Variants in FGF14 observed in about 807,000 individuals in gnomAD.
FGF14 encodes fibroblast growth factor homologous factor 4.
FGF14 carries 5 observed loss-of-function variants against 25.5 expected under a neutral mutation model. That is an observed-to-expected ratio of 0.20 (90% CI 0.10 to 0.41). The LOEUF (loss-of-function observed/expected upper bound fraction) is 0.41. FGF14 is among the 10% of genes least tolerant of loss of function. The pLI is 1.00. For synonymous variants in FGF14, 138 were observed against 118.3 expected, an observed-to-expected ratio of 1.17 and a Z score of -1.08; for missense variants, 222 against 320.1, an observed-to-expected ratio of 0.69 and a Z score of 2.34.
At chr13:102,275,234 T>TTCTCTTTCTCTCTCTCTC (rs1249330049) in intron 1 of FGF14, among the ~76,000 whole-genome samples, 3 of 67,448 alleles carry the variant, frequency 4.4e-5, no homozygotes, top group African/African-American at 1.9e-4. Flanking sequence ...TTAGGCAGAT[T>TTCTCTTTCTCTCTCTCTC]TCTCTCTCTC....
intron 1 of FGF14, among the ~76,000 whole-genome samples, chr13:101,984,687 C>A: frequency 6.6e-6 from 1 of 152,040 alleles, no homozygotes; most frequent in East Asian, 1.9e-4. Flanking sequence ...TAGGAGTAGC[C>A]TATTTAGGAG....
At position 102,362,057 on chromosome 13, in the gene FGF14, T is replaced by A. The variant is rs375345246; in HGVS notation, c.208+39414A>T. ...TATTTGAAGTATTGTCGTGCCCTTC[T>A]TCCTGGGGCCACTGCTGCTGGCAGT... On this transcript the variant is annotated intron_variant, in intron 1 of 4. Coordinates refer to the FGF14 transcript ENST00000376131. Among the ~76,000 whole-genome samples the A allele has an allele frequency of 7.6e-4, 116 of 152,272 alleles. 1 individual carries two copies. The South Asian group carries it at 0.013, about 17-fold the overall frequency.
chr13:101,908,203 A>T (rs759603385), intron 1 of FGF14, among the ~76,000 whole-genome samples: 1 of 152,176 alleles, frequency 6.6e-6, no homozygotes, highest in African/African-American at 2.4e-5. Context: ...AAGTAGGACC[A>T]ATGTGTCTGC....
chr13:102,198,891 G>A (rs77446481), intron 1 of FGF14, among the ~76,000 whole-genome samples: 344 of 152,182 alleles, frequency 2.3e-3, no homozygotes, highest in African/African-American at 8.0e-3. Context: ...TTAAGTTCCT[G>A]GAACAAATGG....
At chr13:102,309,673 A>T (rs2055625524) in intron 1 of FGF14, among the ~76,000 whole-genome samples, 1 of 152,226 alleles carries the variant, frequency 6.6e-6, no homozygotes, top group Non-Finnish European at 1.5e-5. Context: ...CAATATGCTA[A>T]AATTAGTGCT....
upstream of FGF14, among the ~76,000 whole-genome samples, chr13:101,919,654 C>T (rs1208165608): frequency 6.6e-6 from 1 of 152,012 alleles, no homozygotes. Context: ...CCCAGCCCTA[C>T]CTCTCCCAGC....
chr13:102,162,736 G>T (rs2047831876), intron 1 of FGF14, among the ~76,000 whole-genome samples: 2 of 152,212 alleles, frequency 1.3e-5, no homozygotes, highest in African/African-American at 4.8e-5. Context: ...AGAAGCCATA[G>T]CTGTTTCTCT....
At chr13:102,163,604 C>T (rs1849453482) in intron 1 of FGF14, among the ~76,000 whole-genome samples, 1 of 152,066 alleles carries the variant, frequency 6.6e-6, no homozygotes, top group Non-Finnish European at 1.5e-5. Flanking sequence ...TCAGAGGTCA[C>T]TTTGATCTGG....
Position 101,759,305 on chromosome 13 carries a change from T to C in FGF14, c.409-32495A>G, listed in dbSNP as rs185036901. Among the ~76,000 whole-genome samples, 12 of 152,248 alleles carry C rather than the reference T, an allele frequency of 7.9e-5. No individual in the cohort carries two copies. In the East Asian group the frequency reaches 1.4e-3, roughly 17 times the overall value. The stretch of plus-strand genomic sequence containing the variant: ...TGAGGGGGTGAGGCACATATATATG[T>C]ACATGTATTAGGGAACCTGGGATGG... On this transcript the variant is annotated intron_variant, in intron 3 of 4. Transcript: ENST00000376143.
intron 1 of FGF14, among the ~76,000 whole-genome samples, chr13:102,383,935 G>C (rs2058244852): frequency 6.6e-6 from 1 of 152,060 alleles, no homozygotes; most frequent in Admixed American, 6.6e-5. Context: ...TTTTTAAAAG[G>C]AGACCAACTC....
At chr13:101,891,963 A>G (rs184682232) in intron 1 of FGF14, among the ~76,000 whole-genome samples, 72 of 152,298 alleles carry the variant, frequency 4.7e-4, no homozygotes, top group African/African-American at 1.6e-3. Flanking sequence ...CTATAAATAA[A>G]TACAGAGAAT....
At chr13:102,087,152 T>G (rs1051542139) in intron 1 of FGF14, among the ~76,000 whole-genome samples, 4 of 152,168 alleles carry the variant, frequency 2.6e-5, no homozygotes, top group African/African-American at 9.7e-5. Context: ...GTCACAGGAC[T>G]GATATAAGTT....
At chr13:102,054,473 C>T (rs773449936) in intron 1 of FGF14, among the ~76,000 whole-genome samples, 3 of 152,134 alleles carry the variant, frequency 2.0e-5, no homozygotes, top group Non-Finnish European at 1.5e-5. Flanking sequence ...GCATACTTAG[C>T]CACAGAATTA....
At chr13:102,215,143 A>G (rs1008590193) in intron 1 of FGF14, among the ~76,000 whole-genome samples, 3 of 152,230 alleles carry the variant, frequency 2.0e-5, no homozygotes, top group African/African-American at 4.8e-5. Flanking sequence ...TATGCAAATT[A>G]TAAGGTACTA....
rs1209298942 is a variant in FGF14 at position 101,719,080 on chromosome 13, T to G, written c.*3751A>C. The stretch of plus-strand genomic sequence containing the variant: ...CAATTATTTTCATCTTGTTCTCAAC[T>G]GGATGTTAGTCAATGTGGTCTCTTT... On this transcript the variant is annotated 3_prime_UTR_variant, in exon 5 of 5. Transcript: ENST00000376143. 1 of 152,172 alleles carries G rather than the reference T, an allele frequency of 6.6e-6. No homozygotes were observed. The highest frequency in any genetic ancestry group is 1.5e-5 in the Non-Finnish European group (1 of 68,016). The allele number at this position is 152,172 out of a possible 1,614,324, so 9.4% of individuals were successfully genotyped here.
intron 3 of FGF14, among the ~76,000 whole-genome samples, chr13:101,760,039 T>C (rs2037917134): frequency 6.6e-6 from 1 of 152,074 alleles, no homozygotes; most frequent in African/African-American, 2.4e-5. Context: ...CTGCAAAAAA[T>C]AGGGGTGACT....
chr13:101,739,152 G>T (rs2036386998), intron 3 of FGF14, among the ~76,000 whole-genome samples: 2 of 143,564 alleles, frequency 1.4e-5, no homozygotes, highest in African/African-American at 2.6e-5. Context: ...TACTAAAATT[G>T]GTCTACCAGA....
intron 1 of FGF14, among the ~76,000 whole-genome samples, chr13:102,214,677 T>C (rs1231958528): frequency 1.3e-5 from 2 of 152,228 alleles, no homozygotes; most frequent in African/African-American, 4.8e-5. Flanking sequence ...GTATAATTTA[T>C]ATTTCTAGAT....
intron 1 of FGF14, among the ~76,000 whole-genome samples, chr13:102,209,032 C>T (rs1266547487): frequency 1.3e-5 from 2 of 152,218 alleles, no homozygotes; most frequent in African/African-American, 4.8e-5. Context: ...GGAACAGACT[C>T]AGAGATGAAA....
Sources: allele counts gnomAD v4.1 joint callset (sites outside exome capture counted in the v4.1 genomes callset), GRCh38; gene constraint gnomAD v4.1.1; transcripts MANE v1.5; gene names NCBI Gene and HGNC (gene_info 2026-07-23, HGNC 2026-07-21).